Variants in CTNNA3 observed in about 807,000 individuals in gnomAD.
CTNNA3 encodes the protein catenin alpha 3.
Under a neutral mutation model 95.7 loss-of-function variants are expected in CTNNA3, and 76 were observed. That is an observed-to-expected ratio of 0.79 (90% CI 0.66 to 0.96). The LOEUF (loss-of-function observed/expected upper bound fraction) is 0.96, where lower values mean the gene tolerates loss of function less well. Ranked by LOEUF, CTNNA3 falls within the 40% of genes least tolerant of loss-of-function variation. CTNNA3 has a pLI of 0.00. For missense variants in CTNNA3, 1,191 were observed against 1,089.8 expected (o/e 1.09, Z -1.31); for synonymous variants, 431 against 374.4 (o/e 1.15, Z -1.74).
intron 1 of CTNNA3, among the ~76,000 whole-genome samples, chr10:67,674,790 G>A (rs1840505515): frequency 6.6e-6 from 1 of 150,826 alleles, no homozygotes; most frequent in East Asian, 1.9e-4. Flanking sequence ...CTCCTAGGTT[G>A]CCTGTTCATT....
At chr10:66,539,157 A>G (rs767921742) in intron 10 of CTNNA3, among the ~76,000 whole-genome samples, 3 of 152,158 alleles carry the variant, frequency 2.0e-5, no homozygotes, top group Non-Finnish European at 4.4e-5. Context: ...TTAGCCAGCT[A>G]TAGTGTACAT....
At chr10:66,752,788 G>C (rs1839199562) in intron 9 of CTNNA3, among the ~76,000 whole-genome samples, 1 of 152,028 alleles carries the variant, frequency 6.6e-6, no homozygotes, top group South Asian at 2.1e-4. Context: ...AAAGGAAGAA[G>C]TATAGCTATA....
intron 7 of CTNNA3, among the ~76,000 whole-genome samples, chr10:66,987,085 GA>G (rs1850772999): frequency 6.6e-6 from 1 of 152,168 alleles, no homozygotes. Flanking sequence ...GTCCCGACGT[GA>G]AGTCCTTTTA....
chr10:67,221,495 A>G (rs1293559629), intron 5 of CTNNA3, among the ~76,000 whole-genome samples: 1 of 152,222 alleles, frequency 6.6e-6, no homozygotes, highest in Non-Finnish European at 1.5e-5. Flanking sequence ...TATTTCTTGT[A>G]TTGTAACCCA....
At chr10:66,822,085 T>C (rs776613490) in intron 7 of CTNNA3, among the ~76,000 whole-genome samples, 6 of 144,556 alleles carry the variant, frequency 4.2e-5, no homozygotes, top group Non-Finnish European at 7.5e-5. Context: ...TAAAATTACA[T>C]ATATTATATG....
chr10:67,390,878 A>G (rs1486780972), intron 5 of CTNNA3, among the ~76,000 whole-genome samples: 1 of 149,110 alleles, frequency 6.7e-6, no homozygotes, highest in Non-Finnish European at 1.5e-5. Context: ...AAAACTCTCA[A>G]TAAATTAGGT....
chr10:66,916,989 G>A (rs1011992342), intron 7 of CTNNA3, among the ~76,000 whole-genome samples: 2 of 152,208 alleles, frequency 1.3e-5, no homozygotes, highest in Admixed American at 6.5e-5. Context: ...TCTGGCCACA[G>A]TATCAAATGG....
At chr10:66,738,738 G>A (rs993247845) in intron 9 of CTNNA3, among the ~76,000 whole-genome samples, 1 of 152,054 alleles carries the variant, frequency 6.6e-6, no homozygotes, top group Non-Finnish European at 1.5e-5. Context: ...TTCTGATCTT[G>A]TCAATGAAAC....
intron 9 of CTNNA3, 71 bp from the exon 10 acceptor site, chr10:66,621,855 C>T: frequency 3.7e-6 from 3 of 821,904 alleles, no homozygotes; most frequent in East Asian, 2.8e-5. Context: ...TTATACTGAA[C>T]AAGAACATGT....
At chr10:66,867,765 T>C (rs900535105) in intron 7 of CTNNA3, among the ~76,000 whole-genome samples, 1 of 151,738 alleles carries the variant, frequency 6.6e-6, no homozygotes, top group Admixed American at 6.6e-5. Context: ...CTACTATATC[T>C]CTTAAAATCA....
chr10:66,116,882 T>C (rs919805652), intron 13 of CTNNA3, among the ~76,000 whole-genome samples: 6 of 152,108 alleles, frequency 3.9e-5, no homozygotes, highest in African/African-American at 1.2e-4. Flanking sequence ...TGGTGAGAAC[T>C]CATTCACTAT....
intron 15 of CTNNA3, among the ~76,000 whole-genome samples, chr10:66,026,938 G>A (rs1023767194): frequency 6.6e-6 from 1 of 151,668 alleles, no homozygotes; most frequent in Non-Finnish European, 1.5e-5. Context: ...CATTTCTAGG[G>A]GTTATTTTTT....
chr10:66,756,172 G>A (rs1249251252), intron 9 of CTNNA3, among the ~76,000 whole-genome samples: 4 of 151,956 alleles, frequency 2.6e-5, no homozygotes, highest in African/African-American at 7.3e-5. Context: ...ACCAATAGCT[G>A]GAATAAAATA....
intron 17 of CTNNA3, among the ~76,000 whole-genome samples, chr10:65,924,895 G>C (rs1392930287): frequency 1.3e-5 from 2 of 152,100 alleles, no homozygotes; most frequent in Non-Finnish European, 2.9e-5. Flanking sequence ...TGTGTGCAGA[G>C]GAACTGCCCT....
At position 67,564,382 on chromosome 10, in the gene CTNNA3, C is replaced by G. The variant is rs933352991; in HGVS notation, c.293-24713G>C. Among the ~76,000 whole-genome samples, 5 of 147,724 alleles carry G rather than the reference C, an allele frequency of 3.4e-5. 1 individual carries two copies. The highest frequency in any genetic ancestry group is 1.9e-4 in the East Asian group (1 of 5,140). Reference sequence around the variant, plus strand: ...GCTGGTAACCACCATTCTGAGCAAACTATCGCAAGGACAGAAAACCAAAGA... The same window carrying G: ...GCTGGTAACCACCATTCTGAGCAAAGTATCGCAAGGACAGAAAACCAAAGA... On this transcript the variant is annotated intron_variant, in intron 3 of 17. Transcript: ENST00000433211.
intron 7 of CTNNA3, among the ~76,000 whole-genome samples, chr10:66,844,755 T>C (rs1363372376): frequency 6.6e-6 from 1 of 152,212 alleles, no homozygotes; most frequent in Non-Finnish European, 1.5e-5. Flanking sequence ...TACAATGCAA[T>C]AGCCCCCTCT....
intron 5 of CTNNA3, among the ~76,000 whole-genome samples, chr10:67,365,618 TG>T (rs1564599347): frequency 6.6e-6 from 1 of 152,068 alleles, no homozygotes; most frequent in African/African-American, 2.4e-5. Context: ...AACAGACACA[TG>T]AAAAAATGCT....
chr10:66,301,893 A>G lies in CTNNA3; in HGVS notation c.1733-21272T>C, dbSNP rs116362196. On this transcript the variant is annotated intron_variant, in intron 12 of 17. Coordinates refer to ENST00000433211, the MANE Select transcript of CTNNA3 (RefSeq NM_013266.4). ...ACCATTCAGACTTGGAAGGAAGATT[A>G]AAAATCTCTTTGTAGATGACACGAT... is the stretch of plus-strand genomic sequence containing the variant. Among the ~76,000 whole-genome samples, 1,262 of 152,168 alleles carry G rather than the reference A, an allele frequency of 8.3e-3. 18 individuals are homozygous for G. Among genetic ancestry groups the G allele is most frequent in the African/African-American group, 0.029 (1,201 of 41,570 alleles).
chr10:66,536,943 T>G (rs1359315568), intron 10 of CTNNA3, among the ~76,000 whole-genome samples: 2 of 152,098 alleles, frequency 1.3e-5, no homozygotes, highest in African/African-American at 2.4e-5. Context: ...AAAGTGACAT[T>G]TATGCGGTGA....
Sources: allele counts gnomAD v4.1 joint callset (sites outside exome capture counted in the v4.1 genomes callset), GRCh38; gene constraint gnomAD v4.1.1; transcripts MANE v1.5; gene names NCBI Gene and HGNC (gene_info 2026-07-23, HGNC 2026-07-21).